MAP3K15: variants seen among roughly 807,000 people sequenced by gnomAD.
MAP3K15 encodes mitogen-activated protein kinase kinase kinase 15.
Under a neutral mutation model 99.5 loss-of-function variants are expected in MAP3K15, and 124 were observed. The ratio of observed to expected loss-of-function variants is 1.25; its 90% CI spans 1.08 to 1.45. The LOEUF is 1.45. Ranked by LOEUF, MAP3K15 falls within the 40% of genes most tolerant of loss-of-function variation. MAP3K15 has a pLI of 0.00. For synonymous variants in MAP3K15, 494 were observed against 439.6 expected, an observed-to-expected ratio of 1.12 and a Z score of -1.55; for missense variants, 1,242 against 1,079.7, an observed-to-expected ratio of 1.15 and a Z score of -2.11.
Position 19,398,318 on chromosome X carries a change from C to A in MAP3K15, c.1974G>T (p.Leu658Phe), listed in dbSNP as rs772440634. ...DHDANGERVV[L>F]GKGTYGIVYA... is the part of the protein sequence containing the mutation. ...ACACAATCCCATACGTGCCTTTCCC[C>A]AAGACAACTCTCTCACCATTTGCAT... The change falls in exon 15 of 29, where the codon TTG becomes TTT. Residue 658 changes from leucine to phenylalanine, a missense_variant. Physicochemically the swap from Leu to Phe is conservative, Grantham distance 22 (BLOSUM62 0). Transcript: ENST00000338883. The A allele has an allele frequency of 8.3e-7, 1 of 1,211,128 alleles. No individual in the cohort carries two copies. The highest frequency in any genetic ancestry group is 1.8e-5 in the South Asian group (1 of 56,961).
chrX:19,483,180 C>T (rs888056244), intron 3 of MAP3K15, among the ~76,000 whole-genome samples: 7 of 106,921 alleles, frequency 6.5e-5, no homozygotes, highest in African/African-American at 2.1e-4. Flanking sequence ...ATCACTCAAA[C>T]CTGGGAGGCA....
In MAP3K15 at chrX:19,419,302, T is replaced by G. The variant is rs753676452; in HGVS notation, c.1440-4045A>C. 3.7e-3 allele frequency among the ~76,000 whole-genome samples: 413 copies of G among 110,512 alleles called. 3 individuals are homozygous for G. Among genetic ancestry groups the G allele is most frequent in the African/African-American group, 0.013 (386 of 30,169 alleles). On this transcript the variant is annotated intron_variant, in intron 9 of 28. Coordinates refer to ENST00000338883, the MANE Select transcript of MAP3K15 (RefSeq NM_001001671.4). ...CTGTATTCAGGAAACCCATCTCACG[T>G]GCAGAGACACACATAGGCTCAAAAT...
chrX:19,406,349 A>G (rs1028138297), intron 13 of MAP3K15, among the ~76,000 whole-genome samples: 1 of 112,709 alleles, frequency 8.9e-6, no homozygotes, highest in African/African-American at 3.2e-5. Flanking sequence ...AAAAACAGAT[A>G]AACTGTGGTA....
chrX:19,406,803 G>T (rs2063651424), intron 13 of MAP3K15, among the ~76,000 whole-genome samples: 1 of 112,770 alleles, frequency 8.9e-6, no homozygotes, highest in South Asian at 3.6e-4. Flanking sequence ...CCGGGTTCAA[G>T]TGATTCTCCT....
chrX:19,429,836 T>C (rs780557905), intron 7 of MAP3K15, among the ~76,000 whole-genome samples: 4 of 87,658 alleles, frequency 4.6e-5, no homozygotes, highest in East Asian at 4.0e-4. Context: ...GCAGTTAGAA[T>C]TGAATGAAAG....
At chrX:19,367,723 A>ACTTTT (rs2063344451) in intron 25 of MAP3K15, among the ~76,000 whole-genome samples, 1 of 24,107 alleles carries the variant, frequency 4.1e-5, no homozygotes, top group African/African-American at 1.3e-4. Flanking sequence ...ATAACTATGG[A>ACTTTT]TTTTTTTTTT....
At chrX:19,390,576 T>G (rs1454576671) in intron 18 of MAP3K15, among the ~76,000 whole-genome samples, 1 of 105,980 alleles carries the variant, frequency 9.4e-6, no homozygotes. Flanking sequence ...GTAATAATAA[T>G]AATTATTTAT....
At chrX:19,477,143 T>C (rs2064248384) in intron 3 of MAP3K15, among the ~76,000 whole-genome samples, 1 of 111,992 alleles carries the variant, frequency 8.9e-6, no homozygotes, top group African/African-American at 3.2e-5. Flanking sequence ...GTGCCATGGA[T>C]ATGAAAGACA....
intron 15 of MAP3K15, among the ~76,000 whole-genome samples, 167 bp downstream of exon 15, chrX:19,398,059 G>A (rs944051776): frequency 9.4e-5 from 7 of 74,466 alleles, no homozygotes; most frequent in East Asian, 3.7e-4. Flanking sequence ...GCGAGACTCC[G>A]TTTCAAAAAA....
intron 18 of MAP3K15, among the ~76,000 whole-genome samples, chrX:19,385,170 G>C (rs1158358420): frequency 8.9e-6 from 1 of 111,878 alleles, no homozygotes; most frequent in East Asian, 2.8e-4. Flanking sequence ...GGGTGGACCT[G>C]GCTCAGGGTC....
intron 7 of MAP3K15, among the ~76,000 whole-genome samples, chrX:19,429,922 C>A (rs1602302822): frequency 1.8e-5 from 2 of 110,335 alleles, no homozygotes; most frequent in African/African-American, 6.6e-5. Flanking sequence ...CGGAATATAT[C>A]CTGCATCCAA....
intron 16 of MAP3K15, 50 bp from the exon 17 acceptor site, chrX:19,392,523 A>G (rs774065470): frequency 7.2e-5 from 84 of 1,166,701 alleles, no homozygotes; most frequent in Non-Finnish European, 9.0e-5. Context: ...AGTTTCAATA[A>G]AAGTTCAGGG....
At chrX:19,369,278 C>T (rs777600704) in intron 24 of MAP3K15, 59 bp from the exon 25 acceptor site, 25 of 1,175,166 alleles carry the variant, frequency 2.1e-5, no homozygotes, top group East Asian at 2.1e-4. Context: ...GGCCTGGGGT[C>T]GCAGACACCC....
intron 1 of MAP3K15, chrX:19,496,946 G>C (rs1163844894): frequency 9.0e-6 from 1 of 110,787 alleles, no homozygotes; most frequent in Non-Finnish European, 1.9e-5. Context: ...GCTAGATACA[G>C]GGGCCATGTT....
intron 1 of MAP3K15, among the ~76,000 whole-genome samples, chrX:19,494,260 A>T (rs1378893358): frequency 3.6e-5 from 4 of 111,221 alleles, no homozygotes; most frequent in African/African-American, 1.3e-4. Flanking sequence ...TAGAAGTTCA[A>T]GTCCAGTCTG....
rs751235760 is a variant in MAP3K15 at position 19,381,378 on chromosome X, G to C, written c.2432-1101C>G. On this transcript the variant is annotated intron_variant, in intron 18 of 28. Transcript: ENST00000338883. ...GCCCGGAGAGGGCTTCAGCCAGGCT[G>C]CTGGGGAGTCTGCAGCCCCAAGTCA... 8.0e-5 allele frequency among the ~76,000 whole-genome samples: 9 copies of C among 112,150 alleles called. 1 individual carries two copies. Among genetic ancestry groups the C allele is most frequent in the African/African-American group, 2.3e-4 (7 of 30,927 alleles).
intron 25 of MAP3K15, among the ~76,000 whole-genome samples, chrX:19,363,513 C>A (rs1787781420): frequency 8.9e-6 from 1 of 112,169 alleles, no homozygotes; most frequent in African/African-American, 3.2e-5. Context: ...CAGAACTCAG[C>A]CAGAAGGACG....
chrX:19,490,180 C>CACACACACATAT (rs1478553894), intron 1 of MAP3K15, among the ~76,000 whole-genome samples: 52 of 95,114 alleles, frequency 5.5e-4, no homozygotes, highest in African/African-American at 1.9e-3. Context: ...CACACACACA[C>CACACACACATAT]ACACATACAT....
At chrX:19,368,787 A>C (rs181944951) in intron 25 of MAP3K15, among the ~76,000 whole-genome samples, 47 of 108,675 alleles carry the variant, frequency 4.3e-4, no homozygotes, top group African/African-American at 1.5e-3. Flanking sequence ...CTTTAGTATG[A>C]GTAATTTCTG....
Sources: gnomAD v4.1 joint callset for allele counts (sites outside exome capture counted in the v4.1 genomes callset) on GRCh38, gnomAD v4.1.1 for gene constraint, MANE v1.5 for transcripts, NCBI Gene and HGNC (gene_info 2026-07-23, HGNC 2026-07-21) for gene names.